PTPRG: variants seen among roughly 807,000 people sequenced by gnomAD.
The protein encoded by PTPRG is receptor-type tyrosine-protein phosphatase gamma.
PTPRG carries 102 observed loss-of-function variants against 165.3 expected under a neutral mutation model. The ratio of observed to expected loss-of-function variants is 0.62; its 90% CI spans 0.53 to 0.73. The LOEUF (loss-of-function observed/expected upper bound fraction) is 0.73. Among genes scored for constraint, PTPRG ranks in the 30% least tolerant of loss-of-function variants. The probability of loss-of-function intolerance (pLI) is 0.00; values close to 1 mark genes in which losing one functional copy is unlikely to be tolerated. For synonymous variants in PTPRG, 675 were observed against 669.5 expected, an observed-to-expected ratio of 1.01 and a Z score of -0.13; for missense variants, 1,866 against 1,861.4, an observed-to-expected ratio of 1.00 and a Z score of -0.05.
At chr3:62,160,864 A>ATTTTTTTTTTTTTTTTTTTTTTTT (rs5849464) in intron 7 of PTPRG, among the ~76,000 whole-genome samples, 1 of 103,986 alleles carries the variant, frequency 9.6e-6, no homozygotes, top group Non-Finnish European at 1.8e-5. Flanking sequence ...TAGATGTGTG[A>ATTTTTTTTTTTTTTTTTTTTTTTT]TTTTTTTTTT....
Position 62,228,258 on chromosome 3 carries a change from C to T in PTPRG, c.2289-2967C>T, listed in dbSNP as rs1431499349. ...AAAAAGGAGGCTGGGCGCGGTGGCT[C>T]ATGCCTGTCATCTCAGCACTTTGGG... On this transcript the variant is annotated intron_variant, in intron 13 of 29. Coordinates refer to ENST00000474889, the MANE Select transcript of PTPRG (RefSeq NM_002841.4). This position sits in a 1 kb window ranked among gnomAD's most constrained non-coding sequence, Gnocchi z 4.1. Among the ~76,000 whole-genome samples the T allele has an allele frequency of 3.3e-5, 5 of 152,062 alleles. No individual in the cohort carries two copies. The highest frequency in any genetic ancestry group is 4.4e-5 in the Non-Finnish European group (3 of 68,020).
chr3:62,083,042 G>A (rs781553526), intron 5 of PTPRG, among the ~76,000 whole-genome samples: 2 of 152,166 alleles, frequency 1.3e-5, no homozygotes, highest in Non-Finnish European at 2.9e-5. Context: ...TAAAAATATT[G>A]TCAAGGGATA....
chr3:61,943,635 A>T (rs1473327636), intron 2 of PTPRG, among the ~76,000 whole-genome samples: 2 of 152,256 alleles, frequency 1.3e-5, no homozygotes, highest in African/African-American at 2.4e-5. Flanking sequence ...AATACTGAAG[A>T]ACACATGGCA....
chr3:61,624,357 G>A (rs1381839521), intron 1 of PTPRG, among the ~76,000 whole-genome samples: 1 of 152,174 alleles, frequency 6.6e-6, no homozygotes, highest in Non-Finnish European at 1.5e-5. Flanking sequence ...AACTTCCCAT[G>A]CCAGTAGGGA....
At chr3:62,142,960 A>G (rs529895769) in intron 6 of PTPRG, among the ~76,000 whole-genome samples, 2 of 152,200 alleles carry the variant, frequency 1.3e-5, no homozygotes, top group Non-Finnish European at 2.9e-5. Context: ...CAAAGCAGTC[A>G]GAGGCGGGGC....
At chr3:62,135,284 A>C (rs1264537397) in intron 6 of PTPRG, among the ~76,000 whole-genome samples, 1 of 151,828 alleles carries the variant, frequency 6.6e-6, no homozygotes, top group Non-Finnish European at 1.5e-5. Context: ...AAAAAAAAAA[A>C]AAGAAATAAA....
intron 14 of PTPRG, among the ~76,000 whole-genome samples, chr3:62,239,236 TCTG>T (rs1701100345): frequency 1.3e-5 from 2 of 152,060 alleles, no homozygotes; most frequent in Admixed American, 6.6e-5. Flanking sequence ...TCAGGGAGGG[TCTG>T]TAAGGGTAAG....
chr3:61,820,739 G>A (rs893725526), intron 2 of PTPRG, among the ~76,000 whole-genome samples: 4 of 151,602 alleles, frequency 2.6e-5, no homozygotes, highest in African/African-American at 4.9e-5. Context: ...GGCTGCTGGG[G>A]ATTGTTTGAG....
chr3:61,835,066 C>T (rs137950694), intron 2 of PTPRG, among the ~76,000 whole-genome samples: 2 of 152,174 alleles, frequency 1.3e-5, no homozygotes, highest in African/African-American at 4.8e-5. Context: ...TCCAAATATA[C>T]CTAAGATTCA....
chr3:62,210,118 C>T lies in PTPRG; in HGVS notation c.2155+6168C>T, dbSNP rs1700323625. ...AGACCATCATTTTGATTGTTTGAGT[C>T]TGGTGAATTAAGCTCTGCATGAAAT... is the stretch of plus-strand genomic sequence containing the variant. On this transcript the variant is annotated intron_variant, in intron 12 of 29. Coordinates refer to ENST00000474889, the MANE Select transcript of PTPRG (RefSeq NM_002841.4). The surrounding 1 kb of genome is among the most constrained non-coding windows in gnomAD (Gnocchi z 4.1). Among the ~76,000 whole-genome samples the T allele has an allele frequency of 6.6e-6, 1 of 152,118 alleles. No individual in the cohort carries two copies. The highest frequency in any genetic ancestry group is 1.5e-5 in the Non-Finnish European group (1 of 68,040).
At chr3:61,752,327 A>G (rs1437569577) in intron 2 of PTPRG, among the ~76,000 whole-genome samples, 1 of 152,188 alleles carries the variant, frequency 6.6e-6, no homozygotes, top group Non-Finnish European at 1.5e-5. Flanking sequence ...CACACCCATC[A>G]CATTGCATAT....
chr3:61,731,996 A>T (rs2032520898), intron 1 of PTPRG, among the ~76,000 whole-genome samples: 1 of 151,134 alleles, frequency 6.6e-6, no homozygotes. Context: ...GAGACGGGGG[A>T]GTTCACCATG....
chr3:62,271,354 A>T lies in PTPRG; in HGVS notation c.3010-29A>T. On this transcript the variant is annotated intron_variant, in intron 20 of 29. Transcript: ENST00000474889. This position sits in a 1 kb window ranked among gnomAD's most constrained non-coding sequence, Gnocchi z 4.1. ...TTCCAGAATGTCCACCCCCCCGCTT[A>T]AAGACATCTTTTTTCACTTTTCTCA... is the stretch of plus-strand genomic sequence containing the variant. The T allele has an allele frequency of 6.4e-7, 1 of 1,558,346 alleles. No homozygotes were observed. Among genetic ancestry groups the T allele is most frequent in the Non-Finnish European group, 8.7e-7 (1 of 1,146,256 alleles).
At chr3:62,267,863 C>A in intron 19 of PTPRG, 44 bp downstream of exon 19, 2 of 1,595,140 alleles carry the variant, frequency 1.3e-6, no homozygotes, top group South Asian at 1.1e-5. Context: ...CACCTTCATT[C>A]AAAAGATACT....
chr3:61,802,609 A>G (rs968097792), intron 2 of PTPRG, among the ~76,000 whole-genome samples: 1 of 152,132 alleles, frequency 6.6e-6, no homozygotes, highest in African/African-American at 2.4e-5. Flanking sequence ...ATCCAGATAT[A>G]ATTGTTAATT....
chr3:61,679,807 A>C (rs1405058332), intron 1 of PTPRG, among the ~76,000 whole-genome samples: 1 of 152,012 alleles, frequency 6.6e-6, no homozygotes, highest in East Asian at 1.9e-4. Context: ...GAAAAGCAAA[A>C]AAACCCCACA....
intron 2 of PTPRG, among the ~76,000 whole-genome samples, chr3:61,756,543 TCTA>T (rs2033639956): frequency 6.6e-6 from 1 of 152,234 alleles, no homozygotes; most frequent in African/African-American, 2.4e-5. Flanking sequence ...CGTTGTTCTC[TCTA>T]CTTAGAGTTC....
chr3:62,004,120 A>G (rs576164368), intron 4 of PTPRG, among the ~76,000 whole-genome samples: 11 of 152,280 alleles, frequency 7.2e-5, no homozygotes, highest in Non-Finnish European at 1.3e-4. Context: ...GGGCGGGAGC[A>G]TGTCTCCAAC....
At chr3:61,885,954 C>T (rs752278426) in intron 2 of PTPRG, among the ~76,000 whole-genome samples, 20 of 151,380 alleles carry the variant, frequency 1.3e-4, no homozygotes, top group Non-Finnish European at 2.7e-4. Context: ...TCTTACACTT[C>T]TGGTGCCTTC....
Sources: allele counts gnomAD v4.1 joint callset (sites outside exome capture counted in the v4.1 genomes callset), GRCh38; gene constraint gnomAD v4.1.1; non-coding constraint Gnocchi (gnomAD v3.1); transcripts MANE v1.5; gene names NCBI Gene and HGNC (gene_info 2026-07-23, HGNC 2026-07-21).